USP47: variants seen among roughly 807,000 people sequenced by gnomAD.
USP47 encodes ubiquitin specific peptidase 47, also known as ubiquitin carboxyl-terminal hydrolase 47.
USP47 carries 35 observed loss-of-function variants against 165.1 expected under a neutral mutation model. The observed-to-expected ratio is 0.21, with a 90% CI of 0.16 to 0.28. The LOEUF is 0.28. USP47 is among the 10% of genes least tolerant of loss of function. The probability of loss-of-function intolerance (pLI) is 1.00; values close to 1 mark genes in which losing one functional copy is unlikely to be tolerated. For synonymous variants in USP47, 531 were observed against 544.5 expected, an observed-to-expected ratio of 0.98 and a Z score of 0.35; for missense variants, 1,277 against 1,607.4, an observed-to-expected ratio of 0.79 and a Z score of 3.52.
intron 4 of USP47, among the ~76,000 whole-genome samples, chr11:11,893,587 C>G (rs115344649): frequency 0.012 from 1,835 of 152,186 alleles, 42 homozygotes; most frequent in African/African-American, 0.042. Flanking sequence ...CAGGTGTGCA[C>G]CACAATGCCT....
Position 11,920,443 on chromosome 11 carries a change from G to T in USP47, c.1167G>T (p.Met389Ile), listed in dbSNP as rs375371314. 6.2e-7 allele frequency: 1 copy of T among 1,610,556 alleles called. No individual in the cohort carries two copies. The highest frequency in any genetic ancestry group is 8.5e-7 in the Non-Finnish European group (1 of 1,178,052). ...ATAGGATTAAACTGAATGATCGAAT[G>T]ACATTTCCCGAGGAACTAGATATGA... ...TMHRIKLNDR[M>I]TFPEELDMST... Residue 389 changes from methionine (M) to isoleucine (I), a missense_variant, in exon 10 of 28, where the codon ATG becomes ATT. Coordinates refer to ENST00000527733, the MANE Select transcript of USP47 (RefSeq NM_001282659.2).
intron 13 of USP47, among the ~76,000 whole-genome samples, chr11:11,930,388 A>G (rs368853416): frequency 1.1e-4 from 16 of 152,236 alleles, no homozygotes; most frequent in African/African-American, 3.1e-4. Context: ...GATTTTTACT[A>G]TTTGGTCCTT....
intron 25 of USP47, 113 bp from the exon 26 acceptor site, chr11:11,954,784 A>G: frequency 8.2e-7 from 1 of 1,226,410 alleles, no homozygotes; most frequent in Non-Finnish European, 1.1e-6. Context: ...TAATTTTTTT[A>G]CATGAAACAT....
At chr11:11,855,294 A>G (rs1023434157) in intron 1 of USP47, among the ~76,000 whole-genome samples, 14 of 152,308 alleles carry the variant, frequency 9.2e-5, no homozygotes, top group South Asian at 2.1e-4. Flanking sequence ...CAGGATCCAT[A>G]TTAAGACAGT....
At chr11:11,904,393 G>T (rs1486355344) in intron 7 of USP47, among the ~76,000 whole-genome samples, 1 of 152,132 alleles carries the variant, frequency 6.6e-6, no homozygotes, top group African/African-American at 2.4e-5. Flanking sequence ...GTAAGTTTAT[G>T]AAAGAGGCAA....
chr11:11,877,865 G>A (rs1009643208), intron 1 of USP47, among the ~76,000 whole-genome samples: 14 of 113,856 alleles, frequency 1.2e-4, no homozygotes, highest in South Asian at 9.1e-4. Context: ...GTGTGCGCGC[G>A]CGCAGATAAG....
At chr11:11,926,196 A>G (rs1007949409) in intron 11 of USP47, among the ~76,000 whole-genome samples, 1 of 152,204 alleles carries the variant, frequency 6.6e-6, no homozygotes, top group South Asian at 2.1e-4. Flanking sequence ...CGCTGACCAT[A>G]TAGAATGAGT....
chr11:11,859,127 G>A (rs1481380673), intron 1 of USP47, among the ~76,000 whole-genome samples: 1 of 152,142 alleles, frequency 6.6e-6, no homozygotes, highest in South Asian at 2.1e-4. Flanking sequence ...ACTGATAACA[G>A]AGCATCTTTT....
intron 1 of USP47, among the ~76,000 whole-genome samples, chr11:11,878,119 TGGAA>T (rs1850596445): frequency 6.6e-6 from 1 of 152,116 alleles, no homozygotes; most frequent in Non-Finnish European, 1.5e-5. Context: ...TTTTCCCACA[TGGAA>T]GGAGAGGCAT....
chr11:11,882,511 A>T (rs1042076792), intron 2 of USP47, among the ~76,000 whole-genome samples: 6 of 152,208 alleles, frequency 3.9e-5, no homozygotes, highest in Admixed American at 1.3e-4. Flanking sequence ...CAAGACATAG[A>T]AAGATAAACA....
In USP47 at chr11:11,950,419, CAT is replaced by C; in HGVS notation, c.3523_3524del (p.Ile1175LeufsTer2). 6.2e-7 allele frequency: 1 copy of C among 1,607,644 alleles called. No homozygotes were observed. Among genetic ancestry groups the C allele is most frequent in the East Asian group, 2.2e-5 (1 of 44,470 alleles). ...TCCTGGCACTGTCTTTTTGGATTATCATATTTATGAAGAAGATATTAATATTT... is the reference window on the plus strand; with the variant it reads ...TCCTGGCACTGTCTTTTTGGATTATCATTTATGAAGAAGATATTAATATTT... ...KNPGTVFLDY[H>X]IYEEDINISS... On this transcript the variant is annotated frameshift_variant, in exon 24 of 28. Transcript: ENST00000527733. LOFTEE classifies it high-confidence loss of function.
chr11:11,936,586 AATG>A lies in USP47; in HGVS notation c.2077+78_2077+80del, dbSNP rs1180951532. On this transcript the variant is annotated intron_variant, in intron 17 of 27. Transcript: ENST00000527733. ...AGAAAGTTTTTTTTTTTATTGTAGAAATGAACATAATTTAAATTTTGTATATGG... is the reference window on the plus strand; with the variant it reads ...AGAAAGTTTTTTTTTTTATTGTAGAAAACATAATTTAAATTTTGTATATGG... 4 of 1,209,792 alleles carry A rather than the reference AATG, an allele frequency of 3.3e-6. No homozygotes were observed. The East Asian group carries it at 1.0e-4, about 31-fold the overall frequency. The allele number at this position is 1,209,792 out of a possible 1,614,324, so 74.9% of individuals were successfully genotyped here.
rs781621325 is a variant in USP47 at position 11,842,139 on chromosome 11, C to A, written c.-47C>A. Reference sequence around the variant, plus strand: ...TCTTGAGCTAGCGAGCCGCCGCCACCCTCCACCCTCCCCCGGCAGGGCGGA... The same window carrying A: ...TCTTGAGCTAGCGAGCCGCCGCCACACTCCACCCTCCCCCGGCAGGGCGGA... On this transcript the variant is annotated 5_prime_UTR_variant, in exon 1 of 28. Coordinates refer to ENST00000527733, the MANE Select transcript of USP47 (RefSeq NM_001282659.2). 1 of 1,549,062 alleles carries A rather than the reference C, an allele frequency of 6.5e-7. No individual in the cohort carries two copies. Among genetic ancestry groups the A allele is most frequent in the South Asian group, 1.2e-5 (1 of 83,836 alleles).
intron 20 of USP47, among the ~76,000 whole-genome samples, chr11:11,947,608 G>A (rs1280781265): frequency 6.6e-6 from 1 of 151,962 alleles, no homozygotes; most frequent in African/African-American, 2.4e-5. Context: ...AGAAGAGGTG[G>A]GATTGGAACC....
At chr11:11,946,659 C>A (rs962150423) in intron 20 of USP47, among the ~76,000 whole-genome samples, 1 of 152,074 alleles carries the variant, frequency 6.6e-6, no homozygotes, top group Non-Finnish European at 1.5e-5. Flanking sequence ...AAATTTAGTA[C>A]CTCGTTGGAT....
intron 13 of USP47, 54 bp downstream of exon 13, chr11:11,930,174 T>C: frequency 6.7e-7 from 1 of 1,492,150 alleles, no homozygotes; most frequent in Non-Finnish European, 9.3e-7. Context: ...TTATAGCTTC[T>C]CAGTGTTTTT....
At position 11,926,016 on chromosome 11, in the gene USP47, C is replaced by T. The variant is rs1054728778; in HGVS notation, c.1386+3125C>T. The stretch of plus-strand genomic sequence containing the variant: ...GAAGCGATCCTGTGGTTTTTTCATT[C>T]TGTTAATGTAGTGTATTACATTGAT... On this transcript the variant is annotated intron_variant, in intron 11 of 27. Transcript: ENST00000527733. Among the ~76,000 whole-genome samples, 12 of 152,064 alleles carry T rather than the reference C, an allele frequency of 7.9e-5. No homozygotes were observed. The East Asian group carries it at 2.3e-3, about 29-fold the overall frequency.
rs1009460410 is a variant in USP47, at chr11:11,960,968, C to T, written c.*4793C>T. 7.2e-5 allele frequency among the ~76,000 whole-genome samples: 11 copies of T among 152,174 alleles called. No homozygotes were observed. The highest frequency in any genetic ancestry group is 2.7e-4 in the African/African-American group (11 of 41,436). ...CAGAGAACCAGTTGGGCTTTGTTCT[C>T]CTGCAGGCTATGGTTCATCATGCAA... On this transcript the variant is annotated 3_prime_UTR_variant, in exon 28 of 28. Transcript: ENST00000527733.
At chr11:11,912,398 T>C (rs1226190869) in intron 8 of USP47, among the ~76,000 whole-genome samples, 3 of 152,032 alleles carry the variant, frequency 2.0e-5, no homozygotes, top group East Asian at 1.9e-4. Flanking sequence ...CTTGCAGATA[T>C]CAAAGGGATC....
Sources: allele counts gnomAD v4.1 joint callset (sites outside exome capture counted in the v4.1 genomes callset), GRCh38; gene constraint gnomAD v4.1.1; transcripts MANE v1.5; gene names NCBI Gene and HGNC (gene_info 2026-07-23, HGNC 2026-07-21).